The following LOXL1 variants were observed in gnomAD, a reference collection of about 807,000 sequenced individuals.
LOXL1 encodes the protein lysyl oxidase like 1.
LOXL1 carries 31 observed loss-of-function variants against 62.2 expected under a neutral mutation model. That is an observed-to-expected ratio of 0.50 (90% CI 0.37 to 0.67). LOXL1 has a LOEUF of 0.67. LOXL1 is among the 30% of genes least tolerant of loss of function. The pLI, the probability that LOXL1 is intolerant of heterozygous loss-of-function variation, is 0.00. For missense variants in LOXL1, 775 were observed against 843.4 expected (o/e 0.92, Z 1.00); for synonymous variants, 403 against 384.4 (o/e 1.05, Z -0.56).
Position 73,927,872 on chromosome 15 carries a change from C to T in LOXL1, c.1089C>T (p.Asn363=). The change falls in exon 1 of 7, where the codon AAC becomes AAT. Residue 363 remains asparagine (N), a synonymous_variant. Transcript: ENST00000261921. Reference sequence around the variant, plus strand: ...GCGTGGGCAGCGTGTACCGGCCCAACCAGAACGGCCGCGGTGAGTACGGCC... The same window carrying T: ...GCGTGGGCAGCGTGTACCGGCCCAATCAGAACGGCCGCGGTGAGTACGGCC... The part of the protein sequence containing the change: ...RLSVGSVYRP[N]QNGRGLPDLV... 1 of 1,323,462 alleles carries T rather than the reference C, an allele frequency of 7.6e-7. No homozygotes were observed. Among genetic ancestry groups the T allele is most frequent in the Non-Finnish European group, 9.6e-7 (1 of 1,043,712 alleles). The allele number at this position is 1,323,462 out of a possible 1,614,324, so 82.0% of individuals were successfully genotyped here.
intron 1 of LOXL1, among the ~76,000 whole-genome samples, chr15:73,938,638 G>T (rs1300644530): frequency 6.6e-6 from 1 of 152,204 alleles, no homozygotes; most frequent in African/African-American, 2.4e-5. Context: ...TTGAACCCGG[G>T]AAGCGGATGT....
intron 6 of LOXL1, among the ~76,000 whole-genome samples, chr15:73,950,883 C>A (rs948382656): frequency 4.6e-5 from 7 of 152,212 alleles, no homozygotes; most frequent in African/African-American, 1.2e-4. Context: ...CAGTTCAGTG[C>A]AGAGATTAGG....
At chr15:73,928,816 C>T (rs1550436) in intron 1 of LOXL1, among the ~76,000 whole-genome samples, 55,722 of 150,486 alleles carry the variant, frequency 0.37, 11,781 homozygotes, top group Middle Eastern at 0.58. Context: ...TTAAATATTA[C>T]TTATCTCCGT....
At chr15:73,938,275 GTATC>G (rs138576407) in intron 1 of LOXL1, among the ~76,000 whole-genome samples, 209 of 140,720 alleles carry the variant, frequency 1.5e-3, no homozygotes, top group South Asian at 4.4e-3. Flanking sequence ...GCTAGACTCC[GTATC>G]TATCTATCTA....
intron 1 of LOXL1, among the ~76,000 whole-genome samples, chr15:73,933,270 A>G (rs982622586): frequency 1.3e-5 from 2 of 152,224 alleles, no homozygotes; most frequent in Non-Finnish European, 2.9e-5. Context: ...CCAAGGTCTC[A>G]GGGTTAATGA....
chr15:73,948,990 C>G (rs957703935), intron 5 of LOXL1, among the ~76,000 whole-genome samples: 1 of 152,216 alleles, frequency 6.6e-6, no homozygotes, highest in African/African-American at 2.4e-5. Flanking sequence ...AAGCACAGAT[C>G]ATACTTGGGC....
intron 1 of LOXL1, among the ~76,000 whole-genome samples, chr15:73,935,934 GGTGTGTGTGTGTGTGTGT>G (rs3056338): frequency 1.5e-5 from 2 of 131,936 alleles, no homozygotes; most frequent in Admixed American, 7.6e-5. Flanking sequence ...AGGTAGAGCT[GGTGTGTGTGTGTGTGTGT>G]GTGTGTGTGT....
intron 2 of LOXL1, 191 bp from the exon 3 acceptor site, chr15:73,946,226 G>A: frequency 1.7e-6 from 1 of 578,806 alleles, no homozygotes; most frequent in Middle Eastern, 4.6e-4. Flanking sequence ...GATTTCACGG[G>A]GTCAGAAGAC....
chr15:73,941,900 C>T (rs967106002), intron 1 of LOXL1: 3 of 211,964 alleles, frequency 1.4e-5, no homozygotes, highest in South Asian at 9.0e-5. Context: ...CTCCTGCATG[C>T]CCAGGGAGGA....
chr15:73,927,480 C>A lies in LOXL1; in HGVS notation c.697C>A (p.Arg233Ser). 1 of 1,457,090 alleles carries A rather than the reference C, an allele frequency of 6.9e-7. No homozygotes were observed. Among genetic ancestry groups the A allele is most frequent in the Admixed American group, 2.6e-5 (1 of 38,898 alleles). 90.3% of individuals were successfully genotyped at this position (1,457,090 alleles called of 1,614,324 possible). A position where few individuals can be genotyped will look rare whatever the true frequency, so the allele number is the denominator to read the frequency against. ...GVIYPYQPRA[R>S]YEEYGGGEEL... The stretch of plus-strand genomic sequence containing the variant: ...CATCTACCCCTACCAGCCCCGGGCG[C>A]GCTACGAGGAGTACGGCGGCGGCGA... The change falls in exon 1 of 7, where the codon CGC becomes AGC. Residue 233 changes from arginine to serine, a missense_variant. By Grantham distance (110) the Arg-to-Ser change is moderately radical. Transcript: ENST00000261921.
In LOXL1 at chr15:73,927,279, A is replaced by G. The variant is rs765791588; in HGVS notation, c.496A>G (p.Thr166Ala). The change falls in exon 1 of 7, where the codon ACC (threonine) becomes GCC (alanine). Residue 166 changes from threonine to alanine, a missense_variant. Physicochemically the swap from Thr to Ala is moderately conservative, Grantham distance 58. Coordinates refer to ENST00000261921, the MANE Select transcript of LOXL1 (RefSeq NM_005576.4). ...SSVSASAFAS[T>A]YRQQPSYPQQ... Reference sequence around the variant, plus strand: ...GGTCTCGGCTTCGGCCTTCGCCAGCACCTACCGCCAGCAGCCCTCCTACCC... The same window carrying G: ...GGTCTCGGCTTCGGCCTTCGCCAGCGCCTACCGCCAGCAGCCCTCCTACCC... 6.2e-7 allele frequency: 1 copy of G among 1,602,734 alleles called. No individual in the cohort carries two copies. The highest frequency in any genetic ancestry group is 1.1e-5 in the South Asian group (1 of 90,186).
At chr15:73,928,243 C>T (rs769343631) in intron 1 of LOXL1, 4 of 241,892 alleles carry the variant, frequency 1.7e-5, no homozygotes, top group Non-Finnish European at 2.4e-5. Context: ...CCTTCTCCCT[C>T]ATTTCAATGA....
At position 73,927,494 on chromosome 15, in the gene LOXL1, C is replaced by T; in HGVS notation, c.711C>T (p.Tyr237=). 1 of 1,401,372 alleles carries T rather than the reference C, an allele frequency of 7.1e-7. No individual in the cohort carries two copies. Among genetic ancestry groups the T allele is most frequent in the Non-Finnish European group, 9.3e-7 (1 of 1,073,202 alleles). The allele number at this position is 1,401,372 out of a possible 1,614,324, so 86.8% of individuals were successfully genotyped here. A position where few individuals can be genotyped will look rare whatever the true frequency, so the allele number is the denominator to read the frequency against. Residue 237 remains tyrosine (Y), a synonymous_variant, in exon 1 of 7, where the codon TAC becomes TAT. Coordinates refer to ENST00000261921, the MANE Select transcript of LOXL1 (RefSeq NM_005576.4). ...PYQPRARYEE[Y]GGGEELPEYP... ...AGCCCCGGGCGCGCTACGAGGAGTA[C>T]GGCGGCGGCGAAGAGCTGCCCGAGT... is the stretch of plus-strand genomic sequence containing the variant.
At chr15:73,931,123 C>A (rs985595752) in intron 1 of LOXL1, among the ~76,000 whole-genome samples, 17 of 151,562 alleles carry the variant, frequency 1.1e-4, no homozygotes, top group Non-Finnish European at 1.6e-4. Context: ...GACCAAAGCT[C>A]CCCTCCCAAG....
Position 73,947,067 on chromosome 15 carries a change from G to A in LOXL1, c.1350G>A (p.Gln450=). 1 of 1,600,400 alleles carries A rather than the reference G, an allele frequency of 6.2e-7. No individual in the cohort carries two copies. Among genetic ancestry groups the A allele is most frequent in the Non-Finnish European group, 8.5e-7 (1 of 1,169,722 alleles). ...TTCTCCTTCTCTCCTCTGCCCCTAG[G>A]CATTACCACAGCATGGACGAGTTCA... ...RHTWEWHSCH[Q]HYHSMDEFSH... The change falls in exon 4 of 7, where the codon CAG becomes CAA. Residue 450 remains glutamine (Q), a splice_region_variant and synonymous_variant. Coordinates refer to ENST00000261921, the MANE Select transcript of LOXL1 (RefSeq NM_005576.4).
chr15:73,947,161 C>G lies in LOXL1; in HGVS notation c.1444C>G (p.Leu482Val). The change falls in exon 4 of 7, where the codon CTG (leucine) becomes GTG (valine). Residue 482 changes from leucine to valine, a missense_variant. Coordinates refer to ENST00000261921, the MANE Select transcript of LOXL1 (RefSeq NM_005576.4). ...VAEGHKASFC[L>V]EDSTCDFGNL... ...CGAGGGCCACAAGGCCAGTTTCTGC[C>G]TGGAGGACAGCACCTGTGACTTCGG... 1 of 1,613,824 alleles carries G rather than the reference C, an allele frequency of 6.2e-7. No homozygotes were observed. The highest frequency in any genetic ancestry group is 8.5e-7 in the Non-Finnish European group (1 of 1,179,732).
chr15:73,947,833 C>T lies in LOXL1; in HGVS notation c.1533C>T (p.Thr511=). The T allele has an allele frequency of 6.2e-7, 1 of 1,613,618 alleles. No homozygotes were observed. ...GCCTGAGCCCAGGCTGCTATGACACCTACAATGCGGACATCGACTGCCAGT... is the reference window on the plus strand; with the variant it reads ...GCCTGAGCCCAGGCTGCTATGACACTTACAATGCGGACATCGACTGCCAGT... ...TQGLSPGCYD[T]YNADIDCQWI... Residue 511 remains threonine (T), a synonymous_variant, in exon 5 of 7, where the codon ACC becomes ACT. Transcript: ENST00000261921.
rs1261907955 is a variant in LOXL1, at chr15:73,945,893, TTTAA to T, written c.1212-519_1212-516del. On this transcript the variant is annotated intron_variant, in intron 2 of 6. Transcript: ENST00000261921. This position sits in a 1 kb window ranked among gnomAD's most constrained non-coding sequence, Gnocchi z 4.3. Reference sequence around the variant, plus strand: ...AATTTTTTAATTTTTTAAAAATTTCTTTAATTAAATTAATTTTTTAAATTTTAAT... The same window carrying T: ...AATTTTTTAATTTTTTAAAAATTTCTTTAAATTAATTTTTTAAATTTTAAT... Among the ~76,000 whole-genome samples the T allele has an allele frequency of 2.0e-5, 3 of 152,104 alleles. No homozygotes were observed. Among genetic ancestry groups the T allele is most frequent in the African/African-American group, 7.2e-5 (3 of 41,432 alleles).
At position 73,941,371 on chromosome 15, in the gene LOXL1, G is replaced by C. The variant is rs537856848; in HGVS notation, c.1103-1483G>C. 2.0e-5 allele frequency among the ~76,000 whole-genome samples: 3 copies of C among 152,170 alleles called. No individual in the cohort carries two copies. The East Asian group carries it at 5.8e-4, about 30-fold the overall frequency. The stretch of plus-strand genomic sequence containing the variant: ...CAGGCCCCAGGGAGAGCAAAGCTAG[G>C]GTCTGGGAACTCAGGGTGGTGTGGG... On this transcript the variant is annotated intron_variant, in intron 1 of 6. Coordinates refer to ENST00000261921, the MANE Select transcript of LOXL1 (RefSeq NM_005576.4).
Sources: gnomAD v4.1 joint callset for allele counts (sites outside exome capture counted in the v4.1 genomes callset) on GRCh38, gnomAD v4.1.1 for gene constraint, Gnocchi (gnomAD v3.1) non-coding constraint, MANE v1.5 for transcripts, NCBI Gene and HGNC (gene_info 2026-07-23, HGNC 2026-07-21) for gene names.